VPS13D: variants seen among roughly 807,000 people sequenced by gnomAD.
VPS13D encodes the protein vacuolar protein sorting 13 homolog D.
In VPS13D, 187 loss-of-function variants were observed where a neutral mutation model predicts 461.9. That is an observed-to-expected ratio of 0.40 (90% CI 0.36 to 0.46). VPS13D has a LOEUF of 0.46. Among genes scored for constraint, VPS13D ranks in the 20% least tolerant of loss-of-function variants. VPS13D has a pLI of 0.60. For missense variants in VPS13D, 4,711 were observed against 5,364.9 expected (o/e 0.88, Z 3.81); for synonymous variants, 1,951 against 1,986.3 (o/e 0.98, Z 0.47).
chr1:12,260,536 A>G (rs552143898), intron 10 of VPS13D, among the ~76,000 whole-genome samples, 157 bp from the exon 11 acceptor site: 2 of 152,202 alleles, frequency 1.3e-5, no homozygotes, highest in African/African-American at 2.4e-5. Flanking sequence ...AACAGCAATC[A>G]TGGAACTATT....
intron 22 of VPS13D, among the ~76,000 whole-genome samples, chr1:12,290,677 C>T (rs1051495675): frequency 1.3e-4 from 20 of 150,662 alleles, no homozygotes; most frequent in Non-Finnish European, 2.4e-4. Context: ...GACCCCAGAT[C>T]GCGCCACTGT....
chr1:12,353,067 C>A (rs976714393), intron 46 of VPS13D, among the ~76,000 whole-genome samples: 1 of 138,630 alleles, frequency 7.2e-6, no homozygotes, highest in Non-Finnish European at 1.5e-5. Context: ...AATACTTGTA[C>A]AAGAATGTTC....
intron 65 of VPS13D, among the ~76,000 whole-genome samples, chr1:12,447,538 G>A (rs533760030): frequency 6.6e-6 from 1 of 152,236 alleles, no homozygotes; most frequent in Non-Finnish European, 1.5e-5. Context: ...TACCTACTCT[G>A]CCACACACTC....
chr1:12,505,484 T>C lies in VPS13D; in HGVS notation c.12795-1369T>C, dbSNP rs1288131096. 2.0e-5 allele frequency among the ~76,000 whole-genome samples: 3 copies of C among 152,192 alleles called. No homozygotes were observed. The highest frequency in any genetic ancestry group is 7.2e-5 in the African/African-American group (3 of 41,448). On this transcript the variant is annotated intron_variant, in intron 68 of 69. Coordinates refer to ENST00000620676, the MANE Select transcript of VPS13D (RefSeq NM_015378.4). This position sits in a 1 kb window ranked among gnomAD's most constrained non-coding sequence, Gnocchi z 4.2. ...ATAGAACAATAAATCCCAGTTTTTG[T>C]CATGGGCGTCTGTAATTAAAATGGC...
intron 65 of VPS13D, among the ~76,000 whole-genome samples, chr1:12,443,737 G>C (rs933441952): frequency 6.6e-6 from 1 of 151,286 alleles, no homozygotes. Flanking sequence ...TCCCGTCTGC[G>C]TCTTTTATTC....
intron 67 of VPS13D, among the ~76,000 whole-genome samples, chr1:12,491,516 G>A (rs1007152308): frequency 1.3e-5 from 2 of 152,152 alleles, no homozygotes; most frequent in African/African-American, 2.4e-5. Context: ...GAATTGGCTG[G>A]ATCTCCCTGT....
chr1:12,295,911 A>G (rs1294405240), intron 24 of VPS13D, among the ~76,000 whole-genome samples: 1 of 152,188 alleles, frequency 6.6e-6, no homozygotes, highest in Non-Finnish European at 1.5e-5. Flanking sequence ...TCTAAACGGT[A>G]TCTTTTGCTT....
chr1:12,238,234 CAA>C (rs1226796694), intron 2 of VPS13D, among the ~76,000 whole-genome samples: 1 of 135,178 alleles, frequency 7.4e-6, no homozygotes, highest in Non-Finnish European at 1.5e-5. Context: ...AAATCCCCCC[CAA>C]AAAATATATA....
rs113179323 is a variant in VPS13D at position 12,502,641 on chromosome 1, GA to G, written c.12795-4198del. Among the ~76,000 whole-genome samples the G allele has an allele frequency of 0.031, 4,164 of 133,780 alleles. 155 individuals carry two copies. Among genetic ancestry groups the G allele is most frequent in the Admixed American group, 0.13 (1,834 of 13,722 alleles). The allele number at this position is 133,780 out of a possible 152,430, so 87.8% of individuals were successfully genotyped here. A position where few individuals can be genotyped will look rare whatever the true frequency, so the allele number is the denominator to read the frequency against. ...TCAGGTATATAAATGAGTTAATATC[GA>G]AAAAAAAAAAAAAGAGCAGGAGGAA... is the stretch of plus-strand genomic sequence containing the variant. On this transcript the variant is annotated intron_variant, in intron 68 of 69. Transcript: ENST00000620676. The surrounding 1 kb of genome is among the most constrained non-coding windows in gnomAD (Gnocchi z 4.3).
rs937587276 is a variant in VPS13D at position 12,293,531 on chromosome 1, C to T, written c.5860C>T (p.Arg1954Trp). 6.3e-6 allele frequency: 10 copies of T among 1,599,176 alleles called. No individual in the cohort carries two copies. The highest frequency in any genetic ancestry group is 1.7e-5 in the Admixed American group (1 of 58,250). ...ALIFQTFKYG[R>W]PDPLLRREHD... ...TTTTATCCTAATTTTTAGATACGGA[C>T]GGCCTGACCCTCTGCTCCGGAGAGA... The change falls in exon 24 of 70, where the codon CGG (arginine) becomes TGG (tryptophan). Residue 1954 changes from arginine to tryptophan, a missense_variant. Transcript: ENST00000620676.
chr1:12,327,553 G>A, intron 35 of VPS13D, 95 bp from the exon 36 acceptor site: 2 of 1,230,142 alleles, frequency 1.6e-6, no homozygotes, highest in Non-Finnish European at 2.3e-6. Context: ...CTTCCCAGTA[G>A]GTCTCTAGAG....
intron 47 of VPS13D, among the ~76,000 whole-genome samples, chr1:12,354,485 G>A (rs1304166422): frequency 1.3e-5 from 2 of 152,034 alleles, no homozygotes; most frequent in Non-Finnish European, 2.9e-5. Flanking sequence ...AGTGAGCTAT[G>A]TTCACGCTAC....
chr1:12,481,011 A>G (rs752507076), intron 67 of VPS13D, among the ~76,000 whole-genome samples: 23 of 152,206 alleles, frequency 1.5e-4, no homozygotes, highest in Non-Finnish European at 3.1e-4. Flanking sequence ...TGGTCTTTGG[A>G]AGACACAGGC....
chr1:12,472,541 C>T (rs1375650561), intron 67 of VPS13D, among the ~76,000 whole-genome samples: 1 of 152,212 alleles, frequency 6.6e-6, no homozygotes. Context: ...GTGGCTTCCA[C>T]TCCCTCAAGG....
At chr1:12,410,249 A>G (rs184402493) in intron 63 of VPS13D, among the ~76,000 whole-genome samples, 287 of 152,342 alleles carry the variant, frequency 1.9e-3, no homozygotes, top group African/African-American at 5.8e-3. Context: ...ACAGTCTTCT[A>G]AGCAGTTTTG....
intron 37 of VPS13D, 92 bp from the exon 38 acceptor site, chr1:12,333,134 G>A (rs1016832550): frequency 6.9e-7 from 1 of 1,457,950 alleles, no homozygotes; most frequent in Non-Finnish European, 9.3e-7. Flanking sequence ...TATTAAGCTC[G>A]AGTTTGTCCT....
intron 52 of VPS13D, among the ~76,000 whole-genome samples, chr1:12,364,138 T>C (rs1643995176): frequency 6.6e-6 from 1 of 152,082 alleles, no homozygotes; most frequent in African/African-American, 2.4e-5. Flanking sequence ...GTAAGTACAT[T>C]TACATTATTA....
At chr1:12,317,977 A>AT in intron 30 of VPS13D, 95 bp from the exon 31 acceptor site, 1 of 1,329,720 alleles carries the variant, frequency 7.5e-7, no homozygotes, top group Non-Finnish European at 1.0e-6. Context: ...AAATACCGGA[A>AT]TACCACCTGC....
intron 52 of VPS13D, among the ~76,000 whole-genome samples, chr1:12,365,642 T>C (rs1177507226): frequency 6.6e-6 from 1 of 150,810 alleles, no homozygotes; most frequent in Non-Finnish European, 1.5e-5. Flanking sequence ...AGGCGGAGGT[T>C]GCAGTGACCC....
Sources: allele counts gnomAD v4.1 joint callset (sites outside exome capture counted in the v4.1 genomes callset), GRCh38; gene constraint gnomAD v4.1.1; non-coding constraint Gnocchi (gnomAD v3.1); transcripts MANE v1.5; gene names NCBI Gene and HGNC (gene_info 2026-07-23, HGNC 2026-07-21).